STIM2: variants seen among roughly 807,000 people sequenced by gnomAD.
STIM2 encodes the protein stromal interaction molecule 2.
STIM2 carries 31 observed loss-of-function variants against 85.8 expected under a neutral mutation model. The observed-to-expected ratio is 0.36, with a 90% CI of 0.27 to 0.49. The LOEUF is 0.49. STIM2 is among the 20% of genes least tolerant of loss of function. The probability of loss-of-function intolerance (pLI) is 0.98; values close to 1 mark genes in which losing one functional copy is unlikely to be tolerated. For synonymous variants in STIM2, 356 were observed against 331.1 expected (o/e 1.08, Z -0.82); for missense variants, 841 against 927.6 (o/e 0.91, Z 1.21).
At position 26,862,318 on chromosome 4, in the gene STIM2, G is replaced by GTT. The variant is rs71186494; in HGVS notation, c.151+965_151+966dup. On this transcript the variant is annotated intron_variant, in intron 1 of 11. Transcript: ENST00000467087. ...GAAAAGTAATGGAGCTAAAATAATG[G>GTT]TTTTTTTTTTTTTTTTTAGTATTTC... Among the ~76,000 whole-genome samples the GTT allele has an allele frequency of 8.7e-3, 1,260 of 145,602 alleles. 10 individuals carry two copies. Among genetic ancestry groups the GTT allele is most frequent in the Non-Finnish European group, 0.012 (783 of 66,668 alleles).
intron 3 of STIM2, among the ~76,000 whole-genome samples, chr4:26,987,225 AC>A (rs1444770424): frequency 6.6e-6 from 1 of 152,018 alleles, no homozygotes; most frequent in Admixed American, 6.6e-5. Context: ...TTAGGACCCC[AC>A]TGCTGTCAAA....
At chr4:26,984,914 A>G (rs1727528398) in intron 3 of STIM2, among the ~76,000 whole-genome samples, 1 of 152,242 alleles carries the variant, frequency 6.6e-6, no homozygotes, top group Admixed American at 6.5e-5. Context: ...TAATTCTTGC[A>G]TAATTAAAGA....
At chr4:26,871,420 G>A (rs1722606514) in intron 1 of STIM2, among the ~76,000 whole-genome samples, 1 of 151,988 alleles carries the variant, frequency 6.6e-6, no homozygotes, top group Non-Finnish European at 1.5e-5. Flanking sequence ...ATGGCCTTAT[G>A]AGTTTCTCCT....
At chr4:26,896,919 C>T (rs1474206239) in intron 1 of STIM2, among the ~76,000 whole-genome samples, 1 of 152,124 alleles carries the variant, frequency 6.6e-6, no homozygotes. Context: ...TTTGCCATAT[C>T]GAGAATGTTG....
chr4:26,911,260 T>A (rs1281779700), intron 1 of STIM2, among the ~76,000 whole-genome samples: 1 of 150,182 alleles, frequency 6.7e-6, no homozygotes, highest in African/African-American at 2.5e-5. Flanking sequence ...ATAAATAAAA[T>A]GAAATGAAAT....
intron 3 of STIM2, among the ~76,000 whole-genome samples, chr4:26,981,079 A>C (rs947969083): frequency 1.3e-5 from 2 of 152,172 alleles, no homozygotes; most frequent in African/African-American, 4.8e-5. Flanking sequence ...AGATAGACAA[A>C]ATCCAAAAGT....
In STIM2 at chr4:26,860,916, C is replaced by T. The variant is rs1383994155; in HGVS notation, c.-303C>T. On this transcript the variant is annotated 5_prime_UTR_variant, in exon 1 of 12. Transcript: ENST00000467087. Reference sequence around the variant, plus strand: ...CGCCTGAAGACGCCGTACCTTTCTACCCCCCACCTTTTTTTTTTTTTTTTT... The same window carrying T: ...CGCCTGAAGACGCCGTACCTTTCTATCCCCCACCTTTTTTTTTTTTTTTTT... 6 of 1,066,728 alleles carry T rather than the reference C, an allele frequency of 5.6e-6. No individual in the cohort carries two copies. The highest frequency in any genetic ancestry group is 5.5e-5 in the Admixed American group (1 of 18,146). 66.1% of individuals were successfully genotyped at this position (1,066,728 alleles called of 1,614,324 possible).
intron 1 of STIM2, among the ~76,000 whole-genome samples, chr4:26,878,821 C>T (rs1283392876): frequency 6.6e-6 from 1 of 152,088 alleles, no homozygotes; most frequent in Non-Finnish European, 1.5e-5. Flanking sequence ...TACATGGTGG[C>T]AGGAGAGAGA....
At chr4:26,932,708 A>G (rs1208128040) in intron 2 of STIM2, among the ~76,000 whole-genome samples, 1 of 152,136 alleles carries the variant, frequency 6.6e-6, no homozygotes, top group Non-Finnish European at 1.5e-5. Flanking sequence ...GCCCATGGTG[A>G]TCATGGGTTA....
At chr4:26,863,843 A>T (rs1722304745) in intron 1 of STIM2, among the ~76,000 whole-genome samples, 1 of 152,148 alleles carries the variant, frequency 6.6e-6, no homozygotes, top group South Asian at 2.1e-4. Flanking sequence ...TATTCTCAAT[A>T]GCTCTGCAAA....
At chr4:26,904,271 G>A (rs577197881) in intron 1 of STIM2, among the ~76,000 whole-genome samples, 253 of 151,882 alleles carry the variant, frequency 1.7e-3, no homozygotes, top group African/African-American at 5.8e-3. Context: ...CATTTTTTCA[G>A]GTATAATTGA....
intron 3 of STIM2, among the ~76,000 whole-genome samples, chr4:26,972,050 C>T (rs373781408): frequency 2.6e-5 from 4 of 152,002 alleles, no homozygotes; most frequent in Admixed American, 6.6e-5. Flanking sequence ...TTGTCTGTTA[C>T]TGGTGTATAA....
chr4:26,895,292 A>ATAGTTTTTCCC (rs1723657216), intron 1 of STIM2, among the ~76,000 whole-genome samples: 1 of 152,192 alleles, frequency 6.6e-6, no homozygotes, highest in Non-Finnish European at 1.5e-5. Context: ...ATAAAATTTT[A>ATAGTTTTTCCC]TAGTTTTTCC....
chr4:26,890,551 TCGG>T (rs1271399280), intron 1 of STIM2, among the ~76,000 whole-genome samples: 1 of 152,022 alleles, frequency 6.6e-6, no homozygotes, highest in Non-Finnish European at 1.5e-5. Flanking sequence ...AGGAGAGTAC[TCGG>T]TGGCTCACGC....
At chr4:26,877,273 A>G (rs1722843974) in intron 1 of STIM2, among the ~76,000 whole-genome samples, 1 of 152,078 alleles carries the variant, frequency 6.6e-6, no homozygotes, top group South Asian at 2.1e-4. Context: ...GGGATTCTCC[A>G]TCTTTGATAA....
At chr4:26,933,733 CA>C (rs771503772) in intron 2 of STIM2, among the ~76,000 whole-genome samples, 3,812 of 47,676 alleles carry the variant, frequency 0.08, 30 homozygotes, top group African/African-American at 0.14. Context: ...GACCTGATCT[CA>C]AAAAAAAAAA....
At chr4:26,958,686 T>A (rs12645602) in intron 3 of STIM2, among the ~76,000 whole-genome samples, 138,723 of 151,494 alleles carry the variant, frequency 0.92, 64,115 homozygotes, top group East Asian at 1. Flanking sequence ...TATAGACTTT[T>A]AAAAAAACCT....
At chr4:26,885,859 A>ATATATGTGTATATATATATATATG (rs1553845028) in intron 1 of STIM2, among the ~76,000 whole-genome samples, 1 of 89,440 alleles carries the variant, frequency 1.1e-5, no homozygotes, top group East Asian at 4.5e-4. Context: ...ATATATATAT[A>ATATATGTGTATATATATATATATG]TATATATATA....
chr4:26,891,928 C>T lies in STIM2; in HGVS notation c.152-27576C>T, dbSNP rs142668668. Among the ~76,000 whole-genome samples the T allele has an allele frequency of 1.8e-4, 27 of 152,252 alleles. No homozygotes were observed. The East Asian group carries it at 4.8e-3, about 27-fold the overall frequency. ...GCTCCCATAATTCCTATGTGTTGTG[C>T]GAGGGACCCAGTGGGAGATGATTGA... On this transcript the variant is annotated intron_variant, in intron 1 of 11. Coordinates refer to ENST00000467087, the MANE Select transcript of STIM2 (RefSeq NM_020860.4).
Sources: allele counts gnomAD v4.1 joint callset (sites outside exome capture counted in the v4.1 genomes callset), GRCh38; gene constraint gnomAD v4.1.1; transcripts MANE v1.5; gene names NCBI Gene and HGNC (gene_info 2026-07-23, HGNC 2026-07-21).